Variants in AGR3 observed in about 807,000 individuals in gnomAD.
The protein encoded by AGR3 is anterior gradient protein 3.
AGR3 carries 37 observed loss-of-function variants against 24.5 expected under a neutral mutation model. That is an observed-to-expected ratio of 1.51 (90% CI 1.16 to 1.99). The LOEUF is 1.99. AGR3 is among the 30% of genes most tolerant of loss of function. The pLI is 0.00. For synonymous variants in AGR3, 75 were observed against 61.6 expected (o/e 1.22, Z -1.02); for missense variants, 228 against 191.1 (o/e 1.19, Z -1.14).
chr7:16,879,425 C>A (rs1782060527), intron 1 of AGR3, among the ~76,000 whole-genome samples: 1 of 152,184 alleles, frequency 6.6e-6, no homozygotes, highest in Non-Finnish European at 1.5e-5. Flanking sequence ...TGGGCCTGAT[C>A]TGGTCATAAA....
At chr7:16,878,727 A>G in intron 1 of AGR3, 82 bp from the exon 2 acceptor site, 4 of 1,043,264 alleles carry the variant, frequency 3.8e-6, no homozygotes, top group South Asian at 1.4e-5. Flanking sequence ...AGTTGGACCA[A>G]TACTGTGATG....
In AGR3 at chr7:16,859,524, A is replaced by G; in HGVS notation, c.*58T>C. 8.5e-7 allele frequency: 1 copy of G among 1,173,694 alleles called. No homozygotes were observed. Among genetic ancestry groups the G allele is most frequent in the Non-Finnish European group, 1.2e-6 (1 of 815,470 alleles). 72.7% of individuals were successfully genotyped at this position (1,173,694 alleles called of 1,614,324 possible). On this transcript the variant is annotated 3_prime_UTR_variant, in exon 8 of 8. Transcript: ENST00000310398. ...CACATTTAGTATTTGTCAATGTGCC[A>G]GAGGTTTTCTTCATGAAATTTGACT...
chr7:16,881,108 CTA>C (rs879378298), intron 1 of AGR3, among the ~76,000 whole-genome samples: 1 of 152,076 alleles, frequency 6.6e-6, no homozygotes, highest in African/African-American at 2.4e-5. Flanking sequence ...AAAGATTTTT[CTA>C]TGTTAGCTAC....
intron 2 of AGR3, among the ~76,000 whole-genome samples, chr7:16,878,153 G>T (rs1221688154): frequency 2.6e-5 from 4 of 151,400 alleles, no homozygotes; most frequent in Non-Finnish European, 5.9e-5. Context: ...ATAGAGGACT[G>T]GGAATTTGAG....
chr7:16,871,395 CT>C (rs576035274), intron 3 of AGR3, among the ~76,000 whole-genome samples: 1 of 151,830 alleles, frequency 6.6e-6, no homozygotes, highest in African/African-American at 2.4e-5. Flanking sequence ...AACTAAAATG[CT>C]TTTTTTTGAT....
chr7:16,866,281 T>C (rs62443938), intron 3 of AGR3: 90,955 of 546,754 alleles, frequency 0.17, 13,911 homozygotes, highest in East Asian at 0.47. Context: ...GTGGAAGATA[T>C]CTTTGGTCTA....
chr7:16,858,779 G>A (rs572864396), downstream of AGR3, among the ~76,000 whole-genome samples: 37 of 152,244 alleles, frequency 2.4e-4, no homozygotes, highest in Admixed American at 1.0e-3. Context: ...GCTGAGGCAG[G>A]AGAATCGCTT....
chr7:16,862,865 T>C (rs943550021), intron 3 of AGR3, among the ~76,000 whole-genome samples: 9 of 152,288 alleles, frequency 5.9e-5, no homozygotes, highest in African/African-American at 1.9e-4. Context: ...AGGTAGCTTA[T>C]TAGGAATTTA....
At chr7:16,867,333 GTATC>G (rs1425520901) in intron 3 of AGR3, among the ~76,000 whole-genome samples, 1 of 151,860 alleles carries the variant, frequency 6.6e-6, no homozygotes, top group Non-Finnish European at 1.5e-5. Context: ...AATTCCTGTA[GTATC>G]TATCTATCTA....
At chr7:16,872,063 A>G (rs1781876295) in intron 3 of AGR3, among the ~76,000 whole-genome samples, 1 of 148,292 alleles carries the variant, frequency 6.7e-6, no homozygotes, top group African/African-American at 2.5e-5. Context: ...AATCTCTATC[A>G]AAATACCAAT....
chr7:16,878,365 A>T (rs2286212), intron 2 of AGR3, 145 bp downstream of exon 2: 222,157 of 643,884 alleles, frequency 0.35, 40,542 homozygotes, highest in African/African-American at 0.51. Flanking sequence ...CTTCTGTTTT[A>T]AAAAATCCAT....
intron 1 of AGR3, among the ~76,000 whole-genome samples, chr7:16,880,102 TC>T (rs869062965): frequency 1.5e-4 from 19 of 130,244 alleles, no homozygotes; most frequent in African/African-American, 3.9e-4. Flanking sequence ...CTTCCTTCCT[TC>T]CTTCTTTCCT....
chr7:16,879,609 C>T (rs748184266), intron 1 of AGR3, among the ~76,000 whole-genome samples: 34 of 152,278 alleles, frequency 2.2e-4, no homozygotes, highest in African/African-American at 5.3e-4. Context: ...TCCTTTAAGA[C>T]GTCTTTCCTA....
intron 3 of AGR3, among the ~76,000 whole-genome samples, chr7:16,871,144 C>G (rs1241465638): frequency 6.6e-6 from 1 of 152,134 alleles, no homozygotes; most frequent in African/African-American, 2.4e-5. Context: ...TCAAATTGCT[C>G]TAATATTCAA....
At chr7:16,864,640 AG>A in intron 3 of AGR3, 2 of 1,573,646 alleles carry the variant, frequency 1.3e-6, no homozygotes, top group African/African-American at 2.7e-5. Context: ...CTGAGTTTGG[AG>A]GCATAAAGCT....
chr7:16,864,921 T>G (rs1781725615), intron 3 of AGR3: 2 of 932,328 alleles, frequency 2.1e-6, no homozygotes, highest in South Asian at 2.6e-5. Context: ...TATCATCAAT[T>G]TCCATGAAGA....
At chr7:16,867,850 C>A (rs948461164) in intron 3 of AGR3, among the ~76,000 whole-genome samples, 1 of 152,150 alleles carries the variant, frequency 6.6e-6, no homozygotes, top group African/African-American at 2.4e-5. Flanking sequence ...CTTAGACATA[C>A]CGATTTTATC....
At chr7:16,871,546 C>T (rs1781864679) in intron 3 of AGR3, among the ~76,000 whole-genome samples, 2 of 151,986 alleles carry the variant, frequency 1.3e-5, no homozygotes, top group African/African-American at 4.8e-5. Flanking sequence ...ATGCTATTTA[C>T]AATAACCACA....
intron 3 of AGR3, chr7:16,865,808 G>C (rs906367153): frequency 1.3e-6 from 1 of 746,012 alleles, no homozygotes; most frequent in Admixed American, 1.8e-5. Context: ...TTGGAAATCT[G>C]GTAAAACTGG....
Sources: allele counts gnomAD v4.1 joint callset (sites outside exome capture counted in the v4.1 genomes callset), GRCh38; gene constraint gnomAD v4.1.1; transcripts MANE v1.5; gene names NCBI Gene and HGNC (gene_info 2026-07-23, HGNC 2026-07-21).